Variants in CIB4 observed in about 807,000 individuals in gnomAD.
CIB4 encodes calcium and integrin binding family member 4.
A neutral mutation model predicts 25.8 loss-of-function variants in CIB4; 25 were observed. That is an observed-to-expected ratio of 0.97 (90% CI 0.71 to 1.35). The LOEUF (loss-of-function observed/expected upper bound fraction) is 1.35. Among genes scored for constraint, CIB4 ranks in the 40% most tolerant of loss-of-function variants. The pLI, the probability that CIB4 is intolerant of heterozygous loss-of-function variation, is 0.00. For synonymous variants in CIB4, 75 were observed against 81.4 expected (o/e 0.92, Z 0.42); for missense variants, 235 against 228.2 (o/e 1.03, Z -0.19).
intron 5 of CIB4, among the ~76,000 whole-genome samples, chr2:26,583,499 G>C (rs1387051742): frequency 6.6e-6 from 1 of 152,120 alleles, no homozygotes; most frequent in Non-Finnish European, 1.5e-5. Flanking sequence ...GGCCCCTCGA[G>C]TGGGTGGGTC....
Position 26,627,630 on chromosome 2 carries a change from T to TG in CIB4, c.186+1779dup, listed in dbSNP as rs1041077331. Among the ~76,000 whole-genome samples, 334 of 152,182 alleles carry TG rather than the reference T, an allele frequency of 2.2e-3. 1 individual carries two copies. The highest frequency in any genetic ancestry group is 7.4e-3 in the African/African-American group (307 of 41,536). The stretch of plus-strand genomic sequence containing the variant: ...ACTGTATGAGGGTGAGGCCAGGAAG[T>TG]GGGGGGTGCCAGGAAGACCGCCTCC... On this transcript the variant is annotated intron_variant, in intron 3 of 6. Transcript: ENST00000288861. This position sits in a 1 kb window ranked among gnomAD's most constrained non-coding sequence, Gnocchi z 4.0.
chr2:26,601,231 A>AAAAAAAAAAAAAT (rs1395827334), intron 3 of CIB4, among the ~76,000 whole-genome samples: 6 of 17,224 alleles, frequency 3.5e-4, no homozygotes, highest in Non-Finnish European at 5.6e-4. Context: ...AAAAAAAAAA[A>AAAAAAAAAAAAAT]ATATATATAT....
intron 3 of CIB4, chr2:26,623,713 C>T (rs1047963727): frequency 1.4e-5 from 5 of 351,790 alleles, no homozygotes; most frequent in East Asian, 8.3e-5. Flanking sequence ...GCAGGAAGCC[C>T]GGAGCAGGAG....
chr2:26,619,359 C>T (rs373485257), intron 3 of CIB4, among the ~76,000 whole-genome samples: 1 of 151,980 alleles, frequency 6.6e-6, no homozygotes, highest in Non-Finnish European at 1.5e-5. Flanking sequence ...CCTCATGGAG[C>T]GCTTGGGAGT....
chr2:26,622,433 A>G (rs1261227357), intron 3 of CIB4, among the ~76,000 whole-genome samples: 6 of 152,228 alleles, frequency 3.9e-5, no homozygotes, highest in African/African-American at 1.4e-4. Context: ...TCATGTAACT[A>G]TATTGGGAGG....
At chr2:26,626,375 C>G (rs1169471991) in intron 3 of CIB4, among the ~76,000 whole-genome samples, 6 of 134,904 alleles carry the variant, frequency 4.4e-5, no homozygotes, top group Non-Finnish European at 9.4e-5. Context: ...AGAAAGAAAC[C>G]CAAGTAGAAA....
intron 4 of CIB4, among the ~76,000 whole-genome samples, chr2:26,586,495 G>A (rs145680633): frequency 5.9e-5 from 9 of 152,236 alleles, no homozygotes; most frequent in East Asian, 1.9e-4. Flanking sequence ...TTATTAGCTC[G>A]TTTATTTCCC....
intron 3 of CIB4, among the ~76,000 whole-genome samples, chr2:26,628,153 G>A (rs752956201): frequency 6.6e-6 from 1 of 152,224 alleles, no homozygotes; most frequent in Admixed American, 6.5e-5. Flanking sequence ...TCAATGCAAT[G>A]CACAAATTTT....
chr2:26,586,616 T>G (rs1465988225), intron 4 of CIB4, among the ~76,000 whole-genome samples: 2 of 152,224 alleles, frequency 1.3e-5, no homozygotes, highest in Non-Finnish European at 1.5e-5. Context: ...CAATGGCTGT[T>G]GTTGAATAAA....
intron 3 of CIB4, among the ~76,000 whole-genome samples, chr2:26,615,116 G>A (rs1410167991): frequency 1.3e-5 from 2 of 152,208 alleles, no homozygotes; most frequent in East Asian, 1.9e-4. Flanking sequence ...ACTGAGGGAG[G>A]TCACTCAGGT....
chr2:26,607,712 T>TCAGCACCAC (rs1338401340), intron 3 of CIB4, among the ~76,000 whole-genome samples: 1 of 152,202 alleles, frequency 6.6e-6, no homozygotes. Context: ...CTGTCCTCCA[T>TCAGCACCAC]CAGCACCACC....
At chr2:26,636,525 C>T (rs1669535266) in intron 2 of CIB4, among the ~76,000 whole-genome samples, 1 of 152,150 alleles carries the variant, frequency 6.6e-6, no homozygotes, top group Non-Finnish European at 1.5e-5. Context: ...GCCGACTGTC[C>T]TGCTGTCATC....
At chr2:26,595,417 A>C in intron 3 of CIB4, 100 bp from the exon 4 acceptor site, 1 of 1,300,592 alleles carries the variant, frequency 7.7e-7, no homozygotes, top group Non-Finnish European at 1.1e-6. Context: ...CCTGGGTTTG[A>C]GATGAAGACA....
intron 4 of CIB4, among the ~76,000 whole-genome samples, chr2:26,586,379 C>T (rs1310991770): frequency 4.6e-5 from 7 of 152,198 alleles, no homozygotes; most frequent in Admixed American, 2.0e-4. Context: ...ATTCAAGTGT[C>T]GGCTCCTCCT....
At chr2:26,638,042 GGAGCCTCCT>G (rs1669566515) in intron 2 of CIB4, among the ~76,000 whole-genome samples, 1 of 152,180 alleles carries the variant, frequency 6.6e-6, no homozygotes, top group Non-Finnish European at 1.5e-5. Flanking sequence ...TTTGAGAGTG[GGAGCCTCCT>G]GAGCAGGAGC....
chr2:26,581,481 C>T, intron 6 of CIB4, 88 bp from the exon 7 acceptor site: 1 of 1,314,514 alleles, frequency 7.6e-7, no homozygotes, highest in South Asian at 1.2e-5. Context: ...TGGAGGCTCC[C>T]TCCCCGGCCT....
intron 3 of CIB4, chr2:26,605,409 C>A: frequency 2.2e-6 from 1 of 447,112 alleles, no homozygotes. Flanking sequence ...TGCTCCTGGG[C>A]TACCTGCAAG....
At chr2:26,628,726 C>T (rs553164495) in intron 3 of CIB4, among the ~76,000 whole-genome samples, 2 of 152,312 alleles carry the variant, frequency 1.3e-5, no homozygotes, top group Admixed American at 1.3e-4. Flanking sequence ...GGGCCCCGAG[C>T]CCTGCTCCTC....
chr2:26,621,726 T>G (rs1463989353), intron 3 of CIB4, among the ~76,000 whole-genome samples: 1 of 149,732 alleles, frequency 6.7e-6, no homozygotes, highest in Non-Finnish European at 1.5e-5. Context: ...CCCAAGAGAG[T>G]GGTGAGAAGA....
Sources: allele counts gnomAD v4.1 joint callset (sites outside exome capture counted in the v4.1 genomes callset), GRCh38; gene constraint gnomAD v4.1.1; non-coding constraint Gnocchi (gnomAD v3.1); transcripts MANE v1.5; gene names NCBI Gene and HGNC (gene_info 2026-07-23, HGNC 2026-07-21).